SF3B2: variants seen among roughly 807,000 people sequenced by gnomAD.
The protein encoded by SF3B2 is SAP 145.
Under a neutral mutation model 116.3 loss-of-function variants are expected in SF3B2, and 22 were observed. The ratio of observed to expected loss-of-function variants is 0.19; its 90% CI spans 0.14 to 0.27. The LOEUF is 0.27. Ranked by LOEUF, SF3B2 falls within the 10% of genes least tolerant of loss-of-function variation. The probability of loss-of-function intolerance (pLI) is 1.00; values close to 1 mark genes in which losing one functional copy is unlikely to be tolerated. For missense variants in SF3B2, 767 were observed against 1,151.4 expected (o/e 0.67, Z 4.83); for synonymous variants, 406 against 421.6 (o/e 0.96, Z 0.45).
chr11:66,063,839 ACT>A (rs929069963), intron 19 of SF3B2, 110 bp downstream of exon 19: 5 of 831,394 alleles, frequency 6.0e-6, no homozygotes, highest in South Asian at 2.1e-5. Flanking sequence ...TATTGAACCA[ACT>A]CTCTGCCAGG....
intron 7 of SF3B2, among the ~76,000 whole-genome samples, chr11:66,057,721 A>G (rs1223891770): frequency 1.3e-5 from 2 of 151,344 alleles, no homozygotes; most frequent in Non-Finnish European, 1.5e-5. Context: ...CACACCTGTA[A>G]TCCCAGCACT....
In SF3B2 at chr11:66,058,051, C is replaced by T. The variant is rs771593727; in HGVS notation, c.778-3C>T. On this transcript the variant is annotated splice_polypyrimidine_tract_variant and splice_region_variant and intron_variant, in intron 7 of 21. Coordinates refer to ENST00000322535, the MANE Select transcript of SF3B2 (RefSeq NM_006842.3). ...GCCTTCTCTGACTGGGTGTCTCTGGCAGATGGATGACCCCTCTGTGGGCCC... is the reference window on the plus strand; with the variant it reads ...GCCTTCTCTGACTGGGTGTCTCTGGTAGATGGATGACCCCTCTGTGGGCCC... 6 of 1,601,138 alleles carry T rather than the reference C, an allele frequency of 3.7e-6. No homozygotes were observed. The highest frequency in any genetic ancestry group is 5.1e-6 in the Non-Finnish European group (6 of 1,174,620).
In SF3B2 at chr11:66,059,570, G is replaced by A. The variant is rs750667279; in HGVS notation, c.1376G>A (p.Arg459His). Residue 459 changes from arginine to histidine, a missense_variant, in exon 12 of 22, where the codon CGC becomes CAC. Coordinates refer to ENST00000322535, the MANE Select transcript of SF3B2 (RefSeq NM_006842.3). The surrounding 1 kb of genome is among the most constrained non-coding windows in gnomAD (Gnocchi z 5.0). Reference protein sequence around the residue: ...LSKKKLRRMNRFTVAELKQLV... With the variant: ...LSKKKLRRMNHFTVAELKQLV... ...AAGAAGAAGTTGCGCCGAATGAACC[G>A]CTTCACTGTGGCTGAACTCAAGCAG... is the stretch of plus-strand genomic sequence containing the variant. 2.5e-6 allele frequency: 4 copies of A among 1,613,884 alleles called. No individual in the cohort carries two copies. The highest frequency in any genetic ancestry group is 2.2e-5 in the South Asian group (2 of 91,078).
chr11:66,067,570 C>G (rs1565093001), intron 19 of SF3B2: 6 of 461,280 alleles, frequency 1.3e-5, no homozygotes, highest in Non-Finnish European at 2.6e-5. Flanking sequence ...CATGAGAACT[C>G]CAGGCATGAC....
chr11:66,063,625 C>T lies in SF3B2; in HGVS notation c.2229-3C>T, dbSNP rs1318138096. On this transcript the variant is annotated splice_polypyrimidine_tract_variant and splice_region_variant and intron_variant, in intron 18 of 21. Transcript: ENST00000322535. Reference sequence around the variant, plus strand: ...ACTCCAGAGCTTGTTCCTCTCTTTACAGTGGCCTTATCACTCCTGGAGGCT... The same window carrying T: ...ACTCCAGAGCTTGTTCCTCTCTTTATAGTGGCCTTATCACTCCTGGAGGCT... 6 of 1,611,888 alleles carry T rather than the reference C, an allele frequency of 3.7e-6. No individual in the cohort carries two copies. The highest frequency in any genetic ancestry group is 1.7e-5 in the Admixed American group (1 of 59,648).
At position 66,059,451 on chromosome 11, in the gene SF3B2, G is replaced by A; in HGVS notation, c.1321-64G>A. ...CAGAGCTTTGGTGGCTTAAGGTTGGGGTGGGTTGGGCAGTTTCATTCACAT... is the reference window on the plus strand; with the variant it reads ...CAGAGCTTTGGTGGCTTAAGGTTGGAGTGGGTTGGGCAGTTTCATTCACAT... On this transcript the variant is annotated intron_variant, in intron 11 of 21. Transcript: ENST00000322535. This position sits in a 1 kb window ranked among gnomAD's most constrained non-coding sequence, Gnocchi z 5.0. 1 of 1,608,694 alleles carries A rather than the reference G, an allele frequency of 6.2e-7. No homozygotes were observed. The highest frequency in any genetic ancestry group is 8.5e-7 in the Non-Finnish European group (1 of 1,175,280).
chr11:66,068,480 C>G, intron 21 of SF3B2, 147 bp downstream of exon 21: 1 of 955,894 alleles, frequency 1.0e-6, no homozygotes, highest in Non-Finnish European at 1.5e-6. Flanking sequence ...TCTTAGAAAT[C>G]CTCCAGTGGG....
chr11:66,054,813 G>T (rs1856963319), intron 3 of SF3B2, among the ~76,000 whole-genome samples: 1 of 152,146 alleles, frequency 6.6e-6, no homozygotes, highest in South Asian at 2.1e-4. Flanking sequence ...TGGCCTCAGA[G>T]GCGTCTTTGA....
At chr11:66,062,500 A>C (rs1857116038) in intron 16 of SF3B2, among the ~76,000 whole-genome samples, 2 of 151,870 alleles carry the variant, frequency 1.3e-5, no homozygotes, top group Non-Finnish European at 2.9e-5. Context: ...AAGAAAAAAG[A>C]AATAATTTTT....
At chr11:66,065,876 A>G (rs1351078997) in intron 19 of SF3B2, 1 of 151,544 alleles carries the variant, frequency 6.6e-6, no homozygotes. Context: ...TTTTTATGTT[A>G]TTTTATTTTA....
In SF3B2 at chr11:66,068,816, C is replaced by G. The variant is rs1228351161; in HGVS notation, c.*71C>G. 3.4e-6 allele frequency: 4 copies of G among 1,178,354 alleles called. No individual in the cohort carries two copies. Among genetic ancestry groups the G allele is most frequent in the Admixed American group, 1.9e-5 (1 of 53,004 alleles). 73.0% of individuals were successfully genotyped at this position (1,178,354 alleles called of 1,614,324 possible). ...GGGCTTCACACAAGAACCACCTCTC[C>G]CGCAGTTCCCAAGGACTTGTCATTT... On this transcript the variant is annotated 3_prime_UTR_variant, in exon 22 of 22. Coordinates refer to ENST00000322535, the MANE Select transcript of SF3B2 (RefSeq NM_006842.3).
In SF3B2 at chr11:66,052,434, C is replaced by T. The variant is rs775091086; in HGVS notation, c.50C>T (p.Pro17Leu). 2.5e-6 allele frequency: 4 copies of T among 1,613,250 alleles called. No homozygotes were observed. The highest frequency in any genetic ancestry group is 3.4e-6 in the Non-Finnish European group (4 of 1,179,888). Residue 17 changes from proline (P) to leucine (L), a missense_variant, in exon 1 of 22, where the codon CCG becomes CTG. Pro to Leu is a moderately conservative substitution (Grantham distance 98). Coordinates refer to ENST00000322535, the MANE Select transcript of SF3B2 (RefSeq NM_006842.3). ...EPPKAELQLP[P>L]PPPPGHYGAW... ...CCCAAAGCAGAATTGCAGCTGCCGC[C>T]GCCGCCACCTCCAGGCCACTATGGC...
At position 66,059,731 on chromosome 11, in the gene SF3B2, G is replaced by C. The variant is rs1300668254; in HGVS notation, c.1402-51G>C. ...GGTCCTTTGAGGAAGAAGAGCTTCA[G>C]AACTGAGAAGTCGGGGCTCTCGAGA... On this transcript the variant is annotated intron_variant, in intron 12 of 21. Coordinates refer to ENST00000322535, the MANE Select transcript of SF3B2 (RefSeq NM_006842.3). The surrounding 1 kb of genome is among the most constrained non-coding windows in gnomAD (Gnocchi z 5.0). The C allele has an allele frequency of 6.2e-7, 1 of 1,606,620 alleles. No individual in the cohort carries two copies. Among genetic ancestry groups the C allele is most frequent in the Admixed American group, 1.7e-5 (1 of 59,972 alleles).
intron 16 of SF3B2, among the ~76,000 whole-genome samples, chr11:66,062,505 A>AT (rs1186018956): frequency 2.0e-5 from 3 of 150,756 alleles, no homozygotes; most frequent in Admixed American, 6.6e-5. Context: ...AAAAGAAATA[A>AT]TTTTTTTTTA....
At position 66,068,104 on chromosome 11, in the gene SF3B2, T is replaced by C. The variant is rs201635103; in HGVS notation, c.2431-44T>C. 2.4e-5 allele frequency: 38 copies of C among 1,612,790 alleles called. No homozygotes were observed. In the East Asian group the frequency reaches 8.2e-4, roughly 35 times the overall value. On this transcript the variant is annotated intron_variant, in intron 20 of 21. Coordinates refer to ENST00000322535, the MANE Select transcript of SF3B2 (RefSeq NM_006842.3). The stretch of plus-strand genomic sequence containing the variant: ...GAGAAAGGCAGCAGAAGCTAGGGCT[T>C]CTCTGACTCTTTGGAGATGACCAGG...
At chr11:66,053,691 A>G (rs1433327884) in intron 3 of SF3B2, 2 of 141,350 alleles carry the variant, frequency 1.4e-5, no homozygotes, top group East Asian at 2.4e-4. Flanking sequence ...TTTAAAAAAA[A>G]AAGGGGGGAG....
At chr11:66,058,234 C>T (rs2135044539) in intron 8 of SF3B2, 80 bp from the exon 9 acceptor site, 4 of 1,570,910 alleles carry the variant, frequency 2.5e-6, no homozygotes, top group East Asian at 2.2e-5. Context: ...CTTTCCCTGG[C>T]TCTTGGTAAA....
intron 3 of SF3B2, 90 bp from the exon 4 acceptor site, chr11:66,054,986 T>A (rs1856965420): frequency 1.5e-6 from 2 of 1,303,780 alleles, no homozygotes; most frequent in Admixed American, 5.0e-5. Flanking sequence ...GACTTAGAAT[T>A]CCAGCTCCTG....
chr11:66,061,436 G>T (rs1353372986), intron 14 of SF3B2, among the ~76,000 whole-genome samples: 1 of 152,144 alleles, frequency 6.6e-6, no homozygotes. Context: ...TCTTCCTGTC[G>T]AGTGCCCTCA....
Sources: allele counts gnomAD v4.1 joint callset (sites outside exome capture counted in the v4.1 genomes callset), GRCh38; gene constraint gnomAD v4.1.1; non-coding constraint Gnocchi (gnomAD v3.1); transcripts MANE v1.5; gene names NCBI Gene and HGNC (gene_info 2026-07-23, HGNC 2026-07-21).